Variants in PPP2R5C observed in about 807,000 individuals in gnomAD.
PPP2R5C encodes protein phosphatase 2 regulatory subunit B'gamma, also known as serine/threonine-protein phosphatase 2A 56 kDa regulatory subunit gamma isoform.
In PPP2R5C, 7 loss-of-function variants were observed where a neutral mutation model predicts 68.9. That is an observed-to-expected ratio of 0.10 (90% CI 0.06 to 0.19). The LOEUF is 0.19. Among genes scored for constraint, PPP2R5C ranks in the 10% least tolerant of loss-of-function variants. PPP2R5C has a pLI of 1.00. For synonymous variants in PPP2R5C, 210 were observed against 222.2 expected (o/e 0.95, Z 0.49); for missense variants, 348 against 641.3 (o/e 0.54, Z 4.94).
chr14:101,876,270 G>A (rs1314596131), intron 2 of PPP2R5C, among the ~76,000 whole-genome samples: 3 of 152,078 alleles, frequency 2.0e-5, no homozygotes, highest in African/African-American at 7.2e-5. Flanking sequence ...CTGTAATTTG[G>A]CCTTTGATGG....
At chr14:101,914,050 C>CA (rs1320011566) in intron 12 of PPP2R5C, 1 of 415,102 alleles carries the variant, frequency 2.4e-6, no homozygotes, top group African/African-American at 2.0e-5. Flanking sequence ...TGTACGTAAC[C>CA]AATGTTTCTT....
At chr14:101,862,252 G>A (rs1215178684) in intron 2 of PPP2R5C, among the ~76,000 whole-genome samples, 2 of 152,092 alleles carry the variant, frequency 1.3e-5, no homozygotes, top group African/African-American at 2.4e-5. Flanking sequence ...TATGCACCAG[G>A]GTGAGCTTCA....
At chr14:101,826,021 A>T (rs1337050408) in intron 1 of PPP2R5C, among the ~76,000 whole-genome samples, 1 of 152,256 alleles carries the variant, frequency 6.6e-6, no homozygotes, top group African/African-American at 2.4e-5. Context: ...CAGCTGTCAC[A>T]GCAAAGTCTT....
chr14:101,836,554 T>C, intron 1 of PPP2R5C: 1 of 566,116 alleles, frequency 1.8e-6, no homozygotes, highest in East Asian at 2.8e-5. Context: ...TTTCTTTAAA[T>C]ATAATATCTC....
At chr14:101,847,851 C>T (rs950471008) in intron 1 of PPP2R5C, among the ~76,000 whole-genome samples, 2 of 151,984 alleles carry the variant, frequency 1.3e-5, no homozygotes, top group African/African-American at 2.4e-5. Flanking sequence ...TTAGTAGAGA[C>T]GGGGTTTCAC....
chr14:101,848,703 C>G (rs1462937495), intron 1 of PPP2R5C, among the ~76,000 whole-genome samples: 1 of 152,128 alleles, frequency 6.6e-6, no homozygotes, highest in East Asian at 1.9e-4. Context: ...ACCCCTGGAG[C>G]AGCCCAGGGA....
Position 101,781,879 on chromosome 14 carries a change from G to T in PPP2R5C, c.94-4139G>T, listed in dbSNP as rs527720752. Among the ~76,000 whole-genome samples the T allele has an allele frequency of 6.6e-6, 1 of 151,900 alleles. No homozygotes were observed. The highest frequency in any genetic ancestry group is 2.1e-4 in the South Asian group (1 of 4,818). Reference sequence around the variant, plus strand: ...GGCCGTGGCCGTGGCCAGGTGTACCGGAGCGGCACCCAGGAGCCCGCCCTA... The same window carrying T: ...GGCCGTGGCCGTGGCCAGGTGTACCTGAGCGGCACCCAGGAGCCCGCCCTA... On this transcript the variant is annotated intron_variant, in intron 2 of 14. Coordinates refer to the PPP2R5C transcript ENST00000328724. This position sits in a 1 kb window ranked among gnomAD's most constrained non-coding sequence, Gnocchi z 6.4.
At chr14:101,840,149 T>C (rs1283509470) in intron 1 of PPP2R5C, among the ~76,000 whole-genome samples, 1 of 152,160 alleles carries the variant, frequency 6.6e-6, no homozygotes, top group African/African-American at 2.4e-5. Context: ...GCCCACCTTG[T>C]ACCTTATTTT....
chr14:101,916,009 C>A lies in PPP2R5C; in HGVS notation c.1327-1822C>A, dbSNP rs1324717641. 6.6e-6 allele frequency among the ~76,000 whole-genome samples: 1 copy of A among 152,060 alleles called. No individual in the cohort carries two copies. The highest frequency in any genetic ancestry group is 1.5e-5 in the Non-Finnish European group (1 of 68,010). On this transcript the variant is annotated intron_variant, in intron 12 of 13. Transcript: ENST00000334743. This position sits in a 1 kb window ranked among gnomAD's most constrained non-coding sequence, Gnocchi z 5.5. The stretch of plus-strand genomic sequence containing the variant: ...GACACAGTGGGTGACAGGTGTCGGT[C>A]CTGGTGGGGTGTCAGTTATGGGGTG...
At chr14:101,806,172 A>C (rs1438640339), upstream of PPP2R5C, among the ~76,000 whole-genome samples, 1 of 152,130 alleles carries the variant, frequency 6.6e-6, no homozygotes. Context: ...TACATGTGTC[A>C]TGGTGGTTTG....
At chr14:101,811,269 T>G (rs2039343310) in intron 1 of PPP2R5C, among the ~76,000 whole-genome samples, 1 of 152,218 alleles carries the variant, frequency 6.6e-6, no homozygotes, top group South Asian at 2.1e-4. Flanking sequence ...ACAGGTAACA[T>G]TCAGGTATTT....
In PPP2R5C at chr14:101,839,948, ATT is replaced by A. The variant is rs10711996; in HGVS notation, c.95-16728_95-16727del. ...GGTTGGCCTTTCCTGTGTTGTTTGG[ATT>A]TTTTTTTTTCTATTTTACAGTGAGC... On this transcript the variant is annotated intron_variant, in intron 1 of 13. Coordinates refer to ENST00000334743, the Ensembl canonical transcript of PPP2R5C. Among the ~76,000 whole-genome samples the A allele has an allele frequency of 8.6e-3, 1,269 of 147,984 alleles. 16 individuals carry two copies. The highest frequency in any genetic ancestry group is 0.028 in the African/African-American group (1,133 of 40,576).
intron 1 of PPP2R5C, chr14:101,818,731 C>A: frequency 3.4e-6 from 1 of 295,104 alleles, no homozygotes; most frequent in Non-Finnish European, 6.4e-6. Context: ...GCAGATGTTG[C>A]TTTAATTAAA....
rs532174845 is a variant in PPP2R5C, at chr14:101,839,861, G to A, written c.95-16825G>A. Among the ~76,000 whole-genome samples, 25 of 152,298 alleles carry A rather than the reference G, an allele frequency of 1.6e-4. No homozygotes were observed. The East Asian group carries it at 4.2e-3, about 26-fold the overall frequency. Reference sequence around the variant, plus strand: ...GGTAGAGAACAGAGGAGCCCATGAAGCCTGGCTCTCAGTGGTGCGCTCGTC... The same window carrying A: ...GGTAGAGAACAGAGGAGCCCATGAAACCTGGCTCTCAGTGGTGCGCTCGTC... On this transcript the variant is annotated intron_variant, in intron 1 of 13. Coordinates refer to ENST00000334743, the Ensembl canonical transcript of PPP2R5C.
chr14:101,796,193 A>G (rs763755881), intron 3 of PPP2R5C, among the ~76,000 whole-genome samples: 5 of 152,212 alleles, frequency 3.3e-5, no homozygotes, highest in African/African-American at 7.2e-5. Flanking sequence ...TGAATTATGC[A>G]TATATTTACA....
intron 2 of PPP2R5C, among the ~76,000 whole-genome samples, chr14:101,859,614 A>G (rs2042639102): frequency 6.6e-6 from 1 of 152,202 alleles, no homozygotes; most frequent in Non-Finnish European, 1.5e-5. Flanking sequence ...AAGTATAGTG[A>G]AAGAAGGAAG....
intron 1 of PPP2R5C, among the ~76,000 whole-genome samples, chr14:101,826,828 A>G (rs1204321650): frequency 6.6e-6 from 1 of 152,188 alleles, no homozygotes; most frequent in African/African-American, 2.4e-5. Flanking sequence ...ACCTGTGGGC[A>G]TCTGGGCACT....
At chr14:101,761,017 C>CAGGGGACGGGCTGGTCGAAGGG (rs1201343894), upstream of PPP2R5C, among the ~76,000 whole-genome samples, 5,703 of 78,548 alleles carry the variant, frequency 0.073, 405 homozygotes, top group African/African-American at 0.17. Flanking sequence ...AAGGGGAGGG[C>CAGGGGACGGGCTGGTCGAAGGG]AGGGGACGGG....
rs1392287904 is a variant in PPP2R5C at position 101,781,697 on chromosome 14, G to A, written c.94-4321G>A. On this transcript the variant is annotated intron_variant, in intron 2 of 14. Coordinates refer to the PPP2R5C transcript ENST00000328724. This position sits in a 1 kb window ranked among gnomAD's most constrained non-coding sequence, Gnocchi z 6.4. ...GCCCCGGCCTCCGCTGCCTCGCCCC[G>A]GAGCCCGGAGGAGGGGAGCCGGCCA... 6.6e-6 allele frequency among the ~76,000 whole-genome samples: 1 copy of A among 152,070 alleles called. No individual in the cohort carries two copies. The highest frequency in any genetic ancestry group is 1.9e-4 in the East Asian group (1 of 5,168).
Sources: allele counts gnomAD v4.1 joint callset (sites outside exome capture counted in the v4.1 genomes callset), GRCh38; gene constraint gnomAD v4.1.1; non-coding constraint Gnocchi (gnomAD v3.1); transcripts MANE v1.5; gene names NCBI Gene and HGNC (gene_info 2026-07-23, HGNC 2026-07-21).